The following DPP6 variants were observed in gnomAD, a reference collection of about 807,000 sequenced individuals.
DPP6 encodes the protein dipeptidyl peptidase like 6.
A neutral mutation model predicts 122.6 loss-of-function variants in DPP6; 69 were observed. The observed-to-expected ratio is 0.56, with a 90% confidence interval of 0.46 to 0.69. The LOEUF is 0.69. DPP6 is among the 30% of genes least tolerant of loss of function. The pLI, the probability that DPP6 is intolerant of heterozygous loss-of-function variation, is 0.00. For synonymous variants in DPP6, 418 were observed against 433.1 expected (o/e 0.97, Z 0.43); for missense variants, 928 against 1,116.9 (o/e 0.83, Z 2.41).
At chr7:154,794,679 G>T (rs1172417662) in intron 11 of DPP6, among the ~76,000 whole-genome samples, 2 of 152,236 alleles carry the variant, frequency 1.3e-5, no homozygotes, top group Non-Finnish European at 2.9e-5. Context: ...TCAGTGTGTA[G>T]TGAGAGAAGG....
chr7:154,707,873 T>C (rs1158571553), intron 7 of DPP6, among the ~76,000 whole-genome samples: 1 of 152,134 alleles, frequency 6.6e-6, no homozygotes, highest in Non-Finnish European at 1.5e-5. Context: ...GGAGACCCCT[T>C]ATAAAACCAT....
intron 2 of DPP6, among the ~76,000 whole-genome samples, chr7:154,466,812 A>G (rs1486015994): frequency 3.3e-5 from 5 of 152,224 alleles, no homozygotes; most frequent in African/African-American, 4.8e-5. Context: ...CTTCTCATAT[A>G]TAAAGCACAT....
At chr7:154,401,244 C>T (rs73495282) in intron 1 of DPP6, among the ~76,000 whole-genome samples, 6,717 of 151,526 alleles carry the variant, frequency 0.044, 247 homozygotes, top group East Asian at 0.13. Flanking sequence ...TTACTGGCTG[C>T]CCCCTTTGGA....
chr7:154,787,424 A>T (rs1797403206), intron 10 of DPP6, among the ~76,000 whole-genome samples: 1 of 152,212 alleles, frequency 6.6e-6, no homozygotes, highest in Non-Finnish European at 1.5e-5. Context: ...TAAAATTATC[A>T]TACAAACCAG....
At chr7:154,210,871 C>T (rs1361593226) in intron 1 of DPP6, among the ~76,000 whole-genome samples, 6 of 151,916 alleles carry the variant, frequency 3.9e-5, no homozygotes, top group East Asian at 1.9e-4. Flanking sequence ...CAGCCGTAAT[C>T]GTTAGATGCC....
intron 1 of DPP6, among the ~76,000 whole-genome samples, chr7:154,393,562 T>G (rs1234478963): frequency 6.6e-6 from 1 of 152,108 alleles, no homozygotes; most frequent in Non-Finnish European, 1.5e-5. Flanking sequence ...CAATTTTTTT[T>G]TTTTTTTGTC....
chr7:153,914,534 A>G (rs1800224771), intron 1 of DPP6, among the ~76,000 whole-genome samples: 2 of 151,866 alleles, frequency 1.3e-5, no homozygotes, highest in African/African-American at 4.9e-5. Context: ...TTATTGAGTT[A>G]TTGTTTGCAT....
chr7:154,131,519 C>T (rs546028365), intron 1 of DPP6, among the ~76,000 whole-genome samples: 1 of 152,392 alleles, frequency 6.6e-6, no homozygotes, highest in East Asian at 1.9e-4. Flanking sequence ...GGAACTAGGT[C>T]ATCCCCTTCA....
At chr7:154,041,639 G>A (rs866871726) in intron 1 of DPP6, among the ~76,000 whole-genome samples, 7 of 152,316 alleles carry the variant, frequency 4.6e-5, no homozygotes, top group East Asian at 1.9e-4. Flanking sequence ...GCCTAAGCCC[G>A]GGGGATTTTA....
At chr7:154,305,012 GCCCCCTCCC>G (rs1193112805) in intron 1 of DPP6, 1 of 156,288 alleles carries the variant, frequency 6.4e-6, no homozygotes, top group African/African-American at 2.4e-5. Flanking sequence ...TGCCTCCGCG[GCCCCCTCCC>G]CAGCCCCAGC....
Position 154,052,791 on chromosome 7 carries a change from C to G in DPP6, c.-30C>G. 1 of 1,484,306 alleles carries G rather than the reference C, an allele frequency of 6.7e-7. No homozygotes were observed. 91.9% of individuals were successfully genotyped at this position (1,484,306 alleles called of 1,614,324 possible). A position where few individuals can be genotyped will look rare whatever the true frequency, so the allele number is the denominator to read the frequency against. ...GAGAAAGCAAAATATTAAAAAGCCC[C>G]AAAGACAGCCAGCAGGAGCGCGGTG... On this transcript the variant is annotated 5_prime_UTR_variant, in exon 1 of 26. Transcript: ENST00000377770. The surrounding 1 kb of genome is among the most constrained non-coding windows in gnomAD (Gnocchi z 4.8).
chr7:153,907,029 T>G (rs1799881011), intron 1 of DPP6, among the ~76,000 whole-genome samples: 1 of 152,254 alleles, frequency 6.6e-6, no homozygotes, highest in Non-Finnish European at 1.5e-5. Context: ...AGTAGTGTTA[T>G]TGGTAGATCA....
chr7:154,097,702 G>A (rs62487160), intron 1 of DPP6, among the ~76,000 whole-genome samples: 13,292 of 152,116 alleles, frequency 0.087, 574 homozygotes, highest in Middle Eastern at 0.15. Flanking sequence ...CTGGTACTCT[G>A]GCTCAGGCCT....
the DPP6 span, among the ~76,000 whole-genome samples, chr7:153,851,142 C>G: frequency 2.1e-3 from 313 of 152,308 alleles, 1 homozygote; most frequent in Non-Finnish European, 3.1e-3. Flanking sequence ...ATAACCTTAG[C>G]AAGCGTGGAG....
chr7:154,616,216 G>T (rs1270174384), intron 5 of DPP6, among the ~76,000 whole-genome samples: 1 of 152,150 alleles, frequency 6.6e-6, no homozygotes. Context: ...ATGGTCAGCT[G>T]TCCCCATGCC....
intron 1 of DPP6, among the ~76,000 whole-genome samples, chr7:153,918,700 C>T (rs1030145944): frequency 2.0e-5 from 3 of 151,810 alleles, no homozygotes; most frequent in Non-Finnish European, 2.9e-5. Flanking sequence ...GAAATTACAG[C>T]CGGGCATGGT....
intron 5 of DPP6, among the ~76,000 whole-genome samples, chr7:154,584,399 C>T (rs1193422789): frequency 2.0e-5 from 3 of 152,234 alleles, no homozygotes; most frequent in Non-Finnish European, 4.4e-5. Context: ...GCACTGCTGA[C>T]GGTTTTCCGA....
intron 1 of DPP6, among the ~76,000 whole-genome samples, chr7:154,181,652 A>T (rs563411242): frequency 6.6e-6 from 1 of 151,862 alleles, no homozygotes; most frequent in South Asian, 2.1e-4. Context: ...ATACACACTC[A>T]TTTGGACCCC....
chr7:154,225,089 C>T (rs1800516997), intron 1 of DPP6, among the ~76,000 whole-genome samples: 1 of 152,062 alleles, frequency 6.6e-6, no homozygotes, highest in African/African-American at 2.4e-5. Flanking sequence ...TTGCAGTGAG[C>T]CGAGACTGTG....
Sources: gnomAD v4.1 joint callset for allele counts (sites outside exome capture counted in the v4.1 genomes callset) on GRCh38, gnomAD v4.1.1 for gene constraint, Gnocchi (gnomAD v3.1) non-coding constraint, MANE v1.5 for transcripts, NCBI Gene and HGNC (gene_info 2026-07-23, HGNC 2026-07-21) for gene names.